Variants in ASXL3 observed in about 807,000 individuals in gnomAD.
ASXL3 encodes the protein ASXL transcriptional regulator 3, also known as putative Polycomb group protein ASXL3.
In ASXL3, 34 loss-of-function variants were observed where a neutral mutation model predicts 170.6. That is an observed-to-expected ratio of 0.20 (90% CI 0.15 to 0.27). The LOEUF (loss-of-function observed/expected upper bound fraction) is 0.27. Ranked by LOEUF, ASXL3 falls within the 10% of genes least tolerant of loss-of-function variation. ASXL3 has a pLI of 1.00. For missense variants in ASXL3, 2,592 were observed against 2,695.3 expected (o/e 0.96, Z 0.85); for synonymous variants, 1,002 against 989.1 (o/e 1.01, Z -0.24).
chr18:33,608,444 A>G lies in ASXL3; in HGVS notation c.137+768A>G, dbSNP rs957875963. ...TATTTTCAAGGTTTTCTCATGTTGT[A>G]GCATATATCAGGAATTCATTCCTTT... On this transcript the variant is annotated intron_variant, in intron 2 of 11. Transcript: ENST00000269197. Among the ~76,000 whole-genome samples, 8 of 151,984 alleles carry G rather than the reference A, an allele frequency of 5.3e-5. 1 individual carries two copies. Among genetic ancestry groups the G allele is most frequent in the South Asian group, 2.1e-4 (1 of 4,828 alleles).
At chr18:33,623,419 T>C (rs1298519481) in intron 2 of ASXL3, among the ~76,000 whole-genome samples, 2 of 152,312 alleles carry the variant, frequency 1.3e-5, no homozygotes, top group East Asian at 1.9e-4. Context: ...TTGAACATAA[T>C]GTGTTATCTT....
chr18:33,682,836 G>A (rs753339869), intron 7 of ASXL3, among the ~76,000 whole-genome samples: 11 of 152,142 alleles, frequency 7.2e-5, no homozygotes, highest in Non-Finnish European at 1.6e-4. Context: ...ACAAGCATGA[G>A]CCACTGTGCC....
At chr18:33,652,142 G>C (rs1374603750) in intron 4 of ASXL3, among the ~76,000 whole-genome samples, 1 of 151,946 alleles carries the variant, frequency 6.6e-6, no homozygotes, top group Non-Finnish European at 1.5e-5. Flanking sequence ...ATAAATCTGT[G>C]CCACCCAAGT....
chr18:33,750,823 C>G lies in ASXL3; in HGVS notation c.*4228C>G, dbSNP rs1451773891. On this transcript the variant is annotated 3_prime_UTR_variant, in exon 12 of 12. Coordinates refer to ENST00000269197, the MANE Select transcript of ASXL3 (RefSeq NM_030632.3). Reference sequence around the variant, plus strand: ...ATATATTATTCCCACAGGAAAAACTCAGAAAAGGTGTGTAAAATCCTCAGA... The same window carrying G: ...ATATATTATTCCCACAGGAAAAACTGAGAAAAGGTGTGTAAAATCCTCAGA... 1 of 152,176 alleles carries G rather than the reference C, an allele frequency of 6.6e-6. No individual in the cohort carries two copies. Among genetic ancestry groups the G allele is most frequent in the Admixed American group, 6.5e-5 (1 of 15,272 alleles). 9.4% of individuals were successfully genotyped at this position (152,176 alleles called of 1,614,324 possible).
intron 4 of ASXL3, among the ~76,000 whole-genome samples, chr18:33,651,491 C>T (rs796820810): frequency 1.3e-5 from 2 of 151,918 alleles, no homozygotes; most frequent in Non-Finnish European, 2.9e-5. Flanking sequence ...GATGAGTACA[C>T]CATCTGTTTT....
In ASXL3 at chr18:33,709,419, T is replaced by C. The variant is rs78993518; in HGVS notation, c.880-22549T>C. ...ACAGCATAATGGATAAATAAATTGC[T>C]GTATAGTATTCCAGTGTTTGAATTT... On this transcript the variant is annotated intron_variant, in intron 8 of 11. Coordinates refer to ENST00000269197, the MANE Select transcript of ASXL3 (RefSeq NM_030632.3). 4.2e-3 allele frequency among the ~76,000 whole-genome samples: 636 copies of C among 152,310 alleles called. 6 individuals are homozygous for C. The highest frequency in any genetic ancestry group is 0.015 in the African/African-American group (613 of 41,564).
At chr18:33,588,903 C>A (rs1439397772) in intron 1 of ASXL3, among the ~76,000 whole-genome samples, 1 of 152,178 alleles carries the variant, frequency 6.6e-6, no homozygotes, top group Non-Finnish European at 1.5e-5. Context: ...AAGCCACAAA[C>A]CCTCTTGTCA....
chr18:33,608,244 C>T (rs1260284775), intron 2 of ASXL3, among the ~76,000 whole-genome samples: 1 of 151,842 alleles, frequency 6.6e-6, no homozygotes, highest in East Asian at 1.9e-4. Flanking sequence ...TTTTCATCAC[C>T]CTAAAATGAA....
At position 33,578,437 on chromosome 18, in the gene ASXL3, C is replaced by A. The variant is rs1198496192; in HGVS notation, c.-195C>A. 6 of 99,592 alleles carry A rather than the reference C, an allele frequency of 6.0e-5. No individual in the cohort carries two copies. Among genetic ancestry groups the A allele is most frequent in the African/African-American group, 2.6e-4 (6 of 23,498 alleles). 6.2% of individuals were successfully genotyped at this position (99,592 alleles called of 1,614,324 possible). A position where few individuals can be genotyped will look rare whatever the true frequency, so the allele number is the denominator to read the frequency against. ...CGCGCCCCCACCCACTCCACCCCACCCCCTCGCTCCATCCCTCCCACCCGC... is the reference window on the plus strand; with the variant it reads ...CGCGCCCCCACCCACTCCACCCCACACCCTCGCTCCATCCCTCCCACCCGC... On this transcript the variant is annotated 5_prime_UTR_variant, in exon 1 of 12. Coordinates refer to ENST00000269197, the MANE Select transcript of ASXL3 (RefSeq NM_030632.3).
intron 2 of ASXL3, chr18:33,609,136 GT>G (rs2145126960): frequency 1.1e-6 from 1 of 897,998 alleles, no homozygotes; most frequent in African/African-American, 1.8e-5. Flanking sequence ...CCGGATGTCA[GT>G]TTAAGGAGTT....
intron 8 of ASXL3, among the ~76,000 whole-genome samples, chr18:33,684,355 A>G (rs2066559640): frequency 6.6e-6 from 1 of 152,178 alleles, no homozygotes; most frequent in African/African-American, 2.4e-5. Context: ...TCTTGAGATG[A>G]TAGGTACATC....
At chr18:33,709,821 G>A (rs1265517491) in intron 8 of ASXL3, among the ~76,000 whole-genome samples, 3 of 152,108 alleles carry the variant, frequency 2.0e-5, no homozygotes, top group Admixed American at 6.6e-5. Flanking sequence ...AACTTGTTTG[G>A]CTCTGCAATG....
intron 2 of ASXL3, among the ~76,000 whole-genome samples, chr18:33,613,232 T>G (rs992721134): frequency 6.6e-6 from 1 of 152,090 alleles, no homozygotes; most frequent in Admixed American, 6.6e-5. Flanking sequence ...GTAGTGTTAG[T>G]TTTATCTTCC....
At chr18:33,626,036 G>C (rs749959075) in intron 2 of ASXL3, 1 of 151,918 alleles carries the variant, frequency 6.6e-6, no homozygotes, top group Non-Finnish European at 1.5e-5. Flanking sequence ...CACTATTATG[G>C]TAGTTTAGGT....
intron 1 of ASXL3, among the ~76,000 whole-genome samples, chr18:33,590,293 C>T (rs1206453832): frequency 2.0e-5 from 3 of 151,878 alleles, no homozygotes; most frequent in Non-Finnish European, 4.4e-5. Flanking sequence ...ATATCTCTCT[C>T]TTATTTTTTA....
At chr18:33,640,989 A>ATT (rs1299301392) in intron 2 of ASXL3, among the ~76,000 whole-genome samples, 2 of 152,016 alleles carry the variant, frequency 1.3e-5, no homozygotes, top group African/African-American at 4.8e-5. Context: ...AAAATAGTTT[A>ATT]ATATATGTAT....
In ASXL3 at chr18:33,593,082, A is replaced by G. The variant is rs117892223; in HGVS notation, c.54+14397A>G. Among the ~76,000 whole-genome samples, 1,010 of 152,252 alleles carry G rather than the reference A, an allele frequency of 6.6e-3. 6 individuals carry two copies. The highest frequency in any genetic ancestry group is 0.012 in the Non-Finnish European group (793 of 68,014). ...TGAATTCCAAGATTGTTGAAAAGAT[A>G]GAGAAAGGGCACCTGGACATTTTAA... is the stretch of plus-strand genomic sequence containing the variant. On this transcript the variant is annotated intron_variant, in intron 1 of 11. Coordinates refer to ENST00000269197, the MANE Select transcript of ASXL3 (RefSeq NM_030632.3).
chr18:33,746,019 T>G lies in ASXL3; in HGVS notation c.6171T>G (p.Pro2057=), dbSNP rs1373591613. The G allele has an allele frequency of 6.3e-7, 1 of 1,583,812 alleles. No individual in the cohort carries two copies. The highest frequency in any genetic ancestry group is 2.3e-5 in the East Asian group (1 of 42,614). The change falls in exon 12 of 12, where the codon CCT becomes CCG. Residue 2057 remains proline (P), a synonymous_variant. Transcript: ENST00000269197. ...AAGTCCCATCTGATCAAAAACAACC[T>G]CCAGTTACCATGGAAACCACTAAGA... The part of the protein sequence containing the change: ...NAEVPSDQKQ[P]PVTMETTKRL...
chr18:33,709,906 C>T (rs914963787), intron 8 of ASXL3, among the ~76,000 whole-genome samples: 1 of 152,156 alleles, frequency 6.6e-6, no homozygotes, highest in Non-Finnish European at 1.5e-5. Flanking sequence ...TAATCACTTC[C>T]ACTCCCACCA....
Sources: allele counts gnomAD v4.1 joint callset (sites outside exome capture counted in the v4.1 genomes callset), GRCh38; gene constraint gnomAD v4.1.1; transcripts MANE v1.5; gene names NCBI Gene and HGNC (gene_info 2026-07-23, HGNC 2026-07-21).